The following BTBD9 variants were observed in gnomAD, a reference collection of about 807,000 sequenced individuals.
The protein encoded by BTBD9 is BTB domain containing 9.
BTBD9 carries 49 observed loss-of-function variants against 64.3 expected under a neutral mutation model. The ratio of observed to expected loss-of-function variants is 0.76; its 90% CI spans 0.61 to 0.97. The LOEUF is 0.97. BTBD9 is among the 50% of genes least tolerant of loss of function. The probability of loss-of-function intolerance (pLI) is 0.00; values close to 1 mark genes in which losing one functional copy is unlikely to be tolerated. For missense variants in BTBD9, 598 were observed against 762.1 expected, an observed-to-expected ratio of 0.78 and a Z score of 2.53; for synonymous variants, 260 against 274.7, an observed-to-expected ratio of 0.95 and a Z score of 0.53.
chr6:38,337,854 G>GT (rs967701559), intron 7 of BTBD9, among the ~76,000 whole-genome samples: 2 of 152,136 alleles, frequency 1.3e-5, no homozygotes, highest in Non-Finnish European at 2.9e-5. Flanking sequence ...TTACCAGCCT[G>GT]TTTTTTTGTT....
chr6:38,348,678 A>G (rs948533241), intron 6 of BTBD9, among the ~76,000 whole-genome samples: 1 of 152,166 alleles, frequency 6.6e-6, no homozygotes, highest in African/African-American at 2.4e-5. Flanking sequence ...GATACTGAAC[A>G]TAGTTCAGTA....
intron 1 of BTBD9, among the ~76,000 whole-genome samples, chr6:38,633,100 A>C (rs1286583660): frequency 2.0e-5 from 3 of 152,194 alleles, no homozygotes; most frequent in African/African-American, 7.2e-5. Context: ...ATCCCTAACT[A>C]TATTATCAAA....
At chr6:38,253,134 AC>A (rs1326175320) in intron 9 of BTBD9, among the ~76,000 whole-genome samples, 1 of 151,738 alleles carries the variant, frequency 6.6e-6, no homozygotes, top group Non-Finnish European at 1.5e-5. Context: ...AACAACAACA[AC>A]AACAACAAAA....
intron 6 of BTBD9, among the ~76,000 whole-genome samples, chr6:38,454,554 T>TA (rs1259079988): frequency 1.3e-5 from 2 of 150,896 alleles, no homozygotes; most frequent in African/African-American, 4.9e-5. Context: ...TCCTAGCACT[T>TA]AGGAGGCCGA....
At chr6:38,384,882 G>A (rs1766087209) in intron 6 of BTBD9, among the ~76,000 whole-genome samples, 1 of 152,006 alleles carries the variant, frequency 6.6e-6, no homozygotes, top group African/African-American at 2.4e-5. Context: ...GGGAAAGCAA[G>A]TTCTGTCCAG....
chr6:38,437,620 T>C (rs968474647), intron 6 of BTBD9, among the ~76,000 whole-genome samples: 1 of 152,204 alleles, frequency 6.6e-6, no homozygotes, highest in African/African-American at 2.4e-5. Context: ...TCATCTTTAA[T>C]CTTATACCCC....
intron 1 of BTBD9, among the ~76,000 whole-genome samples, chr6:38,619,260 C>A (rs1432066470): frequency 6.6e-6 from 1 of 152,066 alleles, no homozygotes; most frequent in Admixed American, 6.5e-5. Flanking sequence ...AATTTGGAGG[C>A]ATTATTAAAC....
chr6:38,217,501 C>T (rs937852583), intron 9 of BTBD9, among the ~76,000 whole-genome samples: 2 of 151,696 alleles, frequency 1.3e-5, no homozygotes, highest in Middle Eastern at 3.2e-3. Context: ...ATGGAGATAC[C>T]GTGGGCAAGA....
chr6:38,379,676 TA>T (rs1765844573), intron 6 of BTBD9, among the ~76,000 whole-genome samples: 1 of 152,070 alleles, frequency 6.6e-6, no homozygotes, highest in South Asian at 2.1e-4. Context: ...CTAGAAGGTG[TA>T]AAAAAGATTA....
At chr6:38,589,679 C>T (rs1776705147) in intron 4 of BTBD9, among the ~76,000 whole-genome samples, 1 of 152,182 alleles carries the variant, frequency 6.6e-6, no homozygotes, top group Non-Finnish European at 1.5e-5. Flanking sequence ...TATGTTATCT[C>T]TATTATCTTT....
intron 7 of BTBD9, among the ~76,000 whole-genome samples, chr6:38,322,485 T>A (rs898114262): frequency 6.6e-6 from 1 of 152,168 alleles, no homozygotes; most frequent in African/African-American, 2.4e-5. Flanking sequence ...AGCATGAAAA[T>A]CTGCAATTGG....
rs1011637324 is a variant in BTBD9 at position 38,312,737 on chromosome 6, G to A, written c.1265-24276C>T. ...CTGTAGTTGTGTGGATTTATTTCTG[G>A]GTTCTCTATTCTGTTCTATTGGTCT... On this transcript the variant is annotated intron_variant, in intron 7 of 10. Transcript: ENST00000481247. Among the ~76,000 whole-genome samples the A allele has an allele frequency of 3.9e-5, 6 of 152,174 alleles. No individual in the cohort carries two copies. In the South Asian group the frequency reaches 8.3e-4, roughly 21 times the overall value.
chr6:38,367,860 T>TC (rs1765246070), intron 6 of BTBD9, among the ~76,000 whole-genome samples: 1 of 146,366 alleles, frequency 6.8e-6, no homozygotes, highest in Non-Finnish European at 1.5e-5. Flanking sequence ...CTCCATGTTT[T>TC]CCCCTTATTC....
At chr6:38,513,869 G>A (rs1772890839) in intron 6 of BTBD9, among the ~76,000 whole-genome samples, 1 of 152,118 alleles carries the variant, frequency 6.6e-6, no homozygotes, top group Non-Finnish European at 1.5e-5. Context: ...CATATTCCAG[G>A]TTCAAAAATG....
chr6:38,589,715 G>A (rs1320667812), intron 4 of BTBD9, among the ~76,000 whole-genome samples: 4 of 152,094 alleles, frequency 2.6e-5, no homozygotes, highest in Admixed American at 6.5e-5. Context: ...CTAATTCCCT[G>A]GCAGCCAATC....
chr6:38,283,188 C>T (rs1339853806), intron 8 of BTBD9, among the ~76,000 whole-genome samples: 2 of 152,216 alleles, frequency 1.3e-5, no homozygotes, highest in African/African-American at 2.4e-5. Context: ...TAGGCCCAAA[C>T]ATTTTTCATC....
chr6:38,186,175 G>C (rs9470816), intron 10 of BTBD9, among the ~76,000 whole-genome samples: 78,744 of 152,034 alleles, frequency 0.52, 21,781 homozygotes, highest in Non-Finnish European at 0.63. Context: ...ACTGCCCACT[G>C]CTCCACAATT....
chr6:38,309,541 T>C (rs1013290006), intron 7 of BTBD9, among the ~76,000 whole-genome samples: 3 of 151,314 alleles, frequency 2.0e-5, no homozygotes, highest in African/African-American at 7.3e-5. Flanking sequence ...GCCTCCCGAG[T>C]AGCTGGGACT....
At chr6:38,450,815 T>C (rs999165347) in intron 6 of BTBD9, among the ~76,000 whole-genome samples, 8 of 152,190 alleles carry the variant, frequency 5.3e-5, no homozygotes, top group African/African-American at 1.7e-4. Flanking sequence ...GGGACAATGC[T>C]TGTGAATGTG....
Sources: allele counts gnomAD v4.1 joint callset (sites outside exome capture counted in the v4.1 genomes callset), GRCh38; gene constraint gnomAD v4.1.1; transcripts MANE v1.5; gene names NCBI Gene and HGNC (gene_info 2026-07-23, HGNC 2026-07-21).